ANO4: variants seen among roughly 807,000 people sequenced by gnomAD.
The protein encoded by ANO4 is anoctamin-4.
A neutral mutation model predicts 141.9 loss-of-function variants in ANO4; 69 were observed. That is an observed-to-expected ratio of 0.49 (90% CI 0.40 to 0.59). The LOEUF (loss-of-function observed/expected upper bound fraction) is 0.59. Among genes scored for constraint, ANO4 ranks in the 20% least tolerant of loss-of-function variants. The pLI, the probability that ANO4 is intolerant of heterozygous loss-of-function variation, is 0.00. For missense variants in ANO4, 894 were observed against 1,162.2 expected (o/e 0.77, Z 3.36); for synonymous variants, 350 against 394.3 (o/e 0.89, Z 1.33).
intron 7 of ANO4, among the ~76,000 whole-genome samples, chr12:100,978,218 C>G (rs2044292542): frequency 6.6e-6 from 1 of 152,110 alleles, no homozygotes; most frequent in Non-Finnish European, 1.5e-5. Context: ...AGTGAATGAA[C>G]AAATGAATCT....
chr12:101,057,308 T>A (rs959832065), intron 14 of ANO4, among the ~76,000 whole-genome samples: 7 of 152,210 alleles, frequency 4.6e-5, no homozygotes, highest in Non-Finnish European at 7.3e-5. Flanking sequence ...AGTGCCACAA[T>A]AAATATACGT....
chr12:100,971,545 G>T, intron 6 of ANO4, 139 bp downstream of exon 6: 1 of 530,910 alleles, frequency 1.9e-6, no homozygotes. Context: ...TTTAGGATAT[G>T]CAAATAAGCC....
At chr12:100,793,344 A>C (rs1468452739), upstream of ANO4, among the ~76,000 whole-genome samples, 1 of 152,196 alleles carries the variant, frequency 6.6e-6, no homozygotes, top group Non-Finnish European at 1.5e-5. Flanking sequence ...TATTATGTTC[A>C]TCTTTGATGT....
At chr12:100,886,379 G>T (rs920711405) in intron 1 of ANO4, among the ~76,000 whole-genome samples, 1 of 151,640 alleles carries the variant, frequency 6.6e-6, no homozygotes, top group Non-Finnish European at 1.5e-5. Flanking sequence ...TGTGAAGATC[G>T]TTGCTTTCAG....
At chr12:100,857,097 G>C (rs986368834) in intron 1 of ANO4, among the ~76,000 whole-genome samples, 6 of 152,052 alleles carry the variant, frequency 3.9e-5, no homozygotes, top group Non-Finnish European at 8.8e-5. Flanking sequence ...AACCATCATG[G>C]GGCGTATGGA....
intron 1 of ANO4, among the ~76,000 whole-genome samples, chr12:100,830,990 G>T (rs1168197224): frequency 6.6e-6 from 1 of 152,028 alleles, no homozygotes; most frequent in Non-Finnish European, 1.5e-5. Context: ...AGTGACTAGC[G>T]TAAAAATCTA....
chr12:100,834,379 T>C (rs2036792785), intron 1 of ANO4, among the ~76,000 whole-genome samples: 1 of 152,082 alleles, frequency 6.6e-6, no homozygotes, highest in Non-Finnish European at 1.5e-5. Context: ...GTCTGGATGC[T>C]GTTAGGAAGG....
At chr12:100,901,963 G>A (rs1347711977) in intron 2 of ANO4, 123 bp downstream of exon 2, 1 of 943,160 alleles carries the variant, frequency 1.1e-6, no homozygotes. Flanking sequence ...TAGGAGTCTT[G>A]TTCTATTTCC....
chr12:100,829,406 A>T (rs907972641), intron 1 of ANO4, among the ~76,000 whole-genome samples: 2 of 152,108 alleles, frequency 1.3e-5, no homozygotes, highest in Non-Finnish European at 2.9e-5. Context: ...GGCATGCAAT[A>T]GTTGCTCTAT....
At chr12:101,127,195 C>A in intron 27 of ANO4, 121 bp downstream of exon 27, 2 of 1,038,086 alleles carry the variant, frequency 1.9e-6, no homozygotes, top group Non-Finnish European at 2.7e-6. Context: ...TCCTTAGAAG[C>A]TTCCCAATCC....
chr12:100,997,437 G>A (rs1319221997), intron 8 of ANO4, among the ~76,000 whole-genome samples: 1 of 151,588 alleles, frequency 6.6e-6, no homozygotes, highest in Non-Finnish European at 1.5e-5. Flanking sequence ...CTTACCCTAG[G>A]GATAAGCCTG....
intron 14 of ANO4, among the ~76,000 whole-genome samples, chr12:101,074,771 A>G (rs904971327): frequency 2.6e-5 from 4 of 152,226 alleles, no homozygotes; most frequent in African/African-American, 9.6e-5. Flanking sequence ...GTGTAGCTGC[A>G]TATTCTTCAA....
At position 100,752,657 on chromosome 12, in the gene ANO4, G is replaced by A. The variant is rs17400364; in HGVS notation, c.358+12552G>A. Among the ~76,000 whole-genome samples, 31 of 151,932 alleles carry A rather than the reference G, an allele frequency of 2.0e-4. No homozygotes were observed. The East Asian group carries it at 5.6e-3, about 28-fold the overall frequency. On this transcript the variant is annotated intron_variant, in intron 3 of 29. Coordinates refer to the ANO4 transcript ENST00000644049. The stretch of plus-strand genomic sequence containing the variant: ...GTACAAGGAAATTATTTCTCTTTGA[G>A]ACTGATTATTAATGTTCATTTCAAA...
At chr12:100,841,993 A>G (rs1018960540) in intron 1 of ANO4, among the ~76,000 whole-genome samples, 13 of 145,058 alleles carry the variant, frequency 9.0e-5, no homozygotes, top group Non-Finnish European at 1.9e-4. Context: ...TGGGCCCAAC[A>G]CTGGCACATG....
chr12:100,944,510 A>G (rs2042640972), intron 5 of ANO4, among the ~76,000 whole-genome samples: 1 of 151,876 alleles, frequency 6.6e-6, no homozygotes, highest in East Asian at 1.9e-4. Flanking sequence ...CTTTCCCCCA[A>G]AAGTTCTTCT....
chr12:101,116,331 G>A (rs1330565635), intron 24 of ANO4, among the ~76,000 whole-genome samples: 1 of 152,130 alleles, frequency 6.6e-6, no homozygotes, highest in African/African-American at 2.4e-5. Flanking sequence ...CCATTAATGA[G>A]GAACTGTGTT....
chr12:101,029,188 A>G (rs1489588179), intron 9 of ANO4, among the ~76,000 whole-genome samples: 1 of 152,228 alleles, frequency 6.6e-6, no homozygotes, highest in Non-Finnish European at 1.5e-5. Context: ...GAAGCACTAA[A>G]TATGCAAAGG....
At chr12:100,765,020 G>A (rs549071777) in intron 3 of ANO4, among the ~76,000 whole-genome samples, 1 of 152,264 alleles carries the variant, frequency 6.6e-6, no homozygotes, top group African/African-American at 2.4e-5. Flanking sequence ...TTTTGAAAGG[G>A]TTTAAGAGGG....
chr12:100,992,736 C>T (rs2045197098), intron 8 of ANO4, among the ~76,000 whole-genome samples: 1 of 152,182 alleles, frequency 6.6e-6, no homozygotes, highest in Admixed American at 6.5e-5. Flanking sequence ...ATTGTATCTC[C>T]AATACCTAAC....
Sources: allele counts gnomAD v4.1 joint callset (sites outside exome capture counted in the v4.1 genomes callset), GRCh38; gene constraint gnomAD v4.1.1; transcripts MANE v1.5; gene names NCBI Gene and HGNC (gene_info 2026-07-23, HGNC 2026-07-21).